The following ABL1 variants were observed in gnomAD, a reference collection of about 807,000 sequenced individuals.
ABL1 encodes tyrosine-protein kinase ABL1.
ABL1 carries 11 observed loss-of-function variants against 94.7 expected under a neutral mutation model. The observed-to-expected ratio is 0.12, with a 90% CI of 0.07 to 0.19. The LOEUF (loss-of-function observed/expected upper bound fraction) is 0.19, where lower values mean the gene tolerates loss of function less well. Among genes scored for constraint, ABL1 ranks in the 10% least tolerant of loss-of-function variants. The pLI is 1.00. For missense variants in ABL1, 1,082 were observed against 1,489.4 expected (o/e 0.73, Z 4.50); for synonymous variants, 656 against 622.4 (o/e 1.05, Z -0.80).
chr9:130,869,923 C>T (rs1831226031), intron 4 of ABL1, among the ~76,000 whole-genome samples: 1 of 152,242 alleles, frequency 6.6e-6, no homozygotes, highest in African/African-American at 2.4e-5. Context: ...CTCCCGAATT[C>T]AAGTGATTCT....
intron 1 of ABL1, among the ~76,000 whole-genome samples, chr9:130,829,454 CG>C (rs1453491623): frequency 2.6e-5 from 4 of 151,026 alleles, no homozygotes; most frequent in East Asian, 3.9e-4. Flanking sequence ...CCGAGCTACT[CG>C]GGAGGCTGAG....
chr9:130,860,535 T>C (rs1329773148), intron 3 of ABL1, among the ~76,000 whole-genome samples: 1 of 152,100 alleles, frequency 6.6e-6, no homozygotes, highest in Non-Finnish European at 1.5e-5. Context: ...GATCCGCCAG[T>C]TGGGGAACGC....
At chr9:130,793,480 C>T (rs1048198913) in intron 1 of ABL1, among the ~76,000 whole-genome samples, 7 of 152,162 alleles carry the variant, frequency 4.6e-5, no homozygotes, top group African/African-American at 1.7e-4. Flanking sequence ...GAACATTCTT[C>T]ACACTTTTGA....
At chr9:130,870,041 TC>T (rs529414869) in intron 4 of ABL1, among the ~76,000 whole-genome samples, 274 of 152,350 alleles carry the variant, frequency 1.8e-3, no homozygotes, top group African/African-American at 6.4e-3. Flanking sequence ...ACCAGGTTGT[TC>T]CGGAACTCAG....
intron 1 of ABL1, among the ~76,000 whole-genome samples, chr9:130,723,521 T>G (rs1831541354): frequency 6.6e-6 from 1 of 152,096 alleles, no homozygotes; most frequent in Non-Finnish European, 1.5e-5. Flanking sequence ...CTCCAGCCTG[T>G]GTGATAAAGC....
rs113458739 is a variant in ABL1 at position 130,885,453 on chromosome 9, G to A, written c.3163G>A (p.Ala1055Thr). 5.0e-6 allele frequency: 8 copies of A among 1,613,860 alleles called. No homozygotes were observed. Among genetic ancestry groups the A allele is most frequent in the Middle Eastern group, 1.6e-4 (1 of 6,082 alleles). The stretch of plus-strand genomic sequence containing the variant: ...CTCCGAGCAGATGGCCAGCCACAGC[G>A]CAGTGCTGGAGGCCGGCAAAAACCT... ...RNSEQMASHS[A>T]VLEAGKNLYT... Residue 1055 changes from alanine (A) to threonine (T), a missense_variant, in exon 11 of 11, where the codon GCA (alanine) becomes ACA (threonine). Ala to Thr is a moderately conservative substitution (Grantham distance 58). Coordinates refer to ENST00000318560, the MANE Select transcript of ABL1 (RefSeq NM_005157.6).
chr9:130,753,775 C>A (rs984986315), intron 1 of ABL1, among the ~76,000 whole-genome samples: 1 of 152,072 alleles, frequency 6.6e-6, no homozygotes, highest in Non-Finnish European at 1.5e-5. Flanking sequence ...ATAACCCCGG[C>A]ACCTAGTATC....
intron 10 of ABL1, among the ~76,000 whole-genome samples, chr9:130,881,625 G>A (rs756013487): frequency 6.6e-6 from 1 of 152,170 alleles, no homozygotes; most frequent in African/African-American, 2.4e-5. Context: ...CCGTTGACAC[G>A]TGGGGCTTAT....
intron 1 of ABL1, among the ~76,000 whole-genome samples, chr9:130,840,663 G>C (rs1434675953): frequency 2.6e-5 from 4 of 152,056 alleles, no homozygotes; most frequent in African/African-American, 9.7e-5. Context: ...CTTTTTTAGT[G>C]TCAATTTTTA....
chr9:130,779,002 G>C lies in ABL1; in HGVS notation c.136+64547G>C, dbSNP rs113598619. On this transcript the variant is annotated intron_variant, in intron 1 of 10. Transcript: ENST00000372348. ...TTTCTCCTTGAAAGTAAAAACATTT[G>C]TGGCAAATAGGGAAGAAAAACTTTC... is the stretch of plus-strand genomic sequence containing the variant. Among the ~76,000 whole-genome samples, 297 of 152,300 alleles carry C rather than the reference G, an allele frequency of 2.0e-3. 4 individuals carry two copies. The highest frequency in any genetic ancestry group is 0.014 in the Middle Eastern group (4 of 294).
At chr9:130,836,772 C>G (rs531996408) in intron 1 of ABL1, among the ~76,000 whole-genome samples, 22 of 148,420 alleles carry the variant, frequency 1.5e-4, no homozygotes, top group Admixed American at 1.4e-3. Flanking sequence ...TTGCAGTGAG[C>G]CAAGATCGCG....
At chr9:130,844,629 C>T (rs926131000) in intron 1 of ABL1, among the ~76,000 whole-genome samples, 20 of 151,988 alleles carry the variant, frequency 1.3e-4, no homozygotes, top group African/African-American at 4.1e-4. Flanking sequence ...GGTGAAACCC[C>T]GTCTTTACTA....
At position 130,877,523 on chromosome 9, in the gene ABL1, T is replaced by C. The variant is rs1293982962; in HGVS notation, c.1271-892T>C. Among the ~76,000 whole-genome samples, 8 of 147,628 alleles carry C rather than the reference T, an allele frequency of 5.4e-5. 1 individual carries two copies. The highest frequency in any genetic ancestry group is 1.0e-4 in the Non-Finnish European group (7 of 67,158). ...GGCGCCAGGTTCCTTCTACCACATATCCCAGCAAGATGGTCACATTACCTA... is the reference window on the plus strand; with the variant it reads ...GGCGCCAGGTTCCTTCTACCACATACCCCAGCAAGATGGTCACATTACCTA... On this transcript the variant is annotated intron_variant, in intron 7 of 10. Coordinates refer to ENST00000318560, the MANE Select transcript of ABL1 (RefSeq NM_005157.6).
intron 1 of ABL1, among the ~76,000 whole-genome samples, chr9:130,753,320 C>T (rs1350619156): frequency 6.6e-6 from 1 of 152,088 alleles, no homozygotes; most frequent in Non-Finnish European, 1.5e-5. Context: ...CTATCACTTC[C>T]TCTGTTCCCA....
At chr9:130,737,166 G>A (rs889230728) in intron 1 of ABL1, among the ~76,000 whole-genome samples, 2 of 152,114 alleles carry the variant, frequency 1.3e-5, no homozygotes, top group Non-Finnish European at 2.9e-5. Flanking sequence ...AGGGGAAAAC[G>A]ACTGTTGAAA....
At chr9:130,741,488 A>G (rs1296972986) in intron 1 of ABL1, among the ~76,000 whole-genome samples, 6 of 151,812 alleles carry the variant, frequency 4.0e-5, no homozygotes, top group Non-Finnish European at 7.4e-5. Flanking sequence ...CTGGTATACC[A>G]GCTACCATGC....
intron 1 of ABL1, among the ~76,000 whole-genome samples, chr9:130,799,062 A>G (rs1830020987): frequency 6.6e-6 from 1 of 151,980 alleles, no homozygotes; most frequent in Admixed American, 6.6e-5. Context: ...TATGATGTAT[A>G]TGAGTTCAGA....
chr9:130,798,966 C>CAAAAAAAAAAA (rs71389357), intron 1 of ABL1, among the ~76,000 whole-genome samples: 4,442 of 66,200 alleles, frequency 0.067, 249 homozygotes, highest in African/African-American at 0.079. Flanking sequence ...GACTCCGTCT[C>CAAAAAAAAAAA]AAAAAAAAAA....
intron 1 of ABL1, among the ~76,000 whole-genome samples, chr9:130,767,629 G>A (rs899810984): frequency 9.9e-5 from 15 of 152,182 alleles, no homozygotes; most frequent in Admixed American, 3.3e-4. Flanking sequence ...CACTGTGCCC[G>A]GCCTGACCTC....
Sources: gnomAD v4.1 joint callset for allele counts (sites outside exome capture counted in the v4.1 genomes callset) on GRCh38, gnomAD v4.1.1 for gene constraint, MANE v1.5 for transcripts, NCBI Gene and HGNC (gene_info 2026-07-23, HGNC 2026-07-21) for gene names.